The following ADGRL3 variants were observed in gnomAD, a reference collection of about 807,000 sequenced individuals.
ADGRL3 encodes the protein calcium-independent alpha-latrotoxin receptor 3.
Under a neutral mutation model 153.5 loss-of-function variants are expected in ADGRL3, and 62 were observed. That is an observed-to-expected ratio of 0.40 (90% CI 0.33 to 0.50). ADGRL3 has a LOEUF of 0.50. Ranked by LOEUF, ADGRL3 falls within the 20% of genes least tolerant of loss-of-function variation. The pLI is 0.47. For synonymous variants in ADGRL3, 710 were observed against 672.5 expected, an observed-to-expected ratio of 1.06 and a Z score of -0.86; for missense variants, 1,641 against 1,859.4, an observed-to-expected ratio of 0.88 and a Z score of 2.16.
At chr4:61,805,585 A>T (rs79200246) in intron 8 of ADGRL3, among the ~76,000 whole-genome samples, 16,018 of 152,150 alleles carry the variant, frequency 0.11, 911 homozygotes, top group Middle Eastern at 0.15. Flanking sequence ...TCCTAAACAC[A>T]TAATTTCAAT....
chr4:61,511,079 A>G lies in ADGRL3; in HGVS notation c.56-6236A>G, dbSNP rs2098461187. ...GGCTCTTAGCTTGAATGTTATTGGT[A>G]TATATAGGTAGCTCATGCCTGTAAT... is the stretch of plus-strand genomic sequence containing the variant. On this transcript the variant is annotated intron_variant, in intron 3 of 26. Transcript: ENST00000683033. Among the ~76,000 whole-genome samples, 5 of 152,062 alleles carry G rather than the reference A, an allele frequency of 3.3e-5. No homozygotes were observed. In the South Asian group the frequency reaches 8.3e-4, roughly 25 times the overall value.
chr4:61,393,279 T>A (rs1023494541), intron 2 of ADGRL3, among the ~76,000 whole-genome samples: 1 of 152,114 alleles, frequency 6.6e-6, no homozygotes, highest in Non-Finnish European at 1.5e-5. Context: ...AAGTCAATGA[T>A]ATGCACATTT....
At chr4:61,226,658 G>A (rs1473129349) in intron 1 of ADGRL3, among the ~76,000 whole-genome samples, 1 of 152,150 alleles carries the variant, frequency 6.6e-6, no homozygotes. Context: ...TATTGTATGG[G>A]ATGATGGAGG....
chr4:61,987,915 C>G (rs1187459275), intron 19 of ADGRL3, among the ~76,000 whole-genome samples: 1 of 151,748 alleles, frequency 6.6e-6, no homozygotes, highest in African/African-American at 2.4e-5. Context: ...GGTTTTATTT[C>G]TGAAATCTTT....
At chr4:61,519,285 T>A (rs1339151812) in intron 4 of ADGRL3, among the ~76,000 whole-genome samples, 2 of 152,198 alleles carry the variant, frequency 1.3e-5, no homozygotes, top group South Asian at 2.1e-4. Context: ...TTGGCATGTA[T>A]GTGGCAAGTT....
rs542189990 is a variant in ADGRL3 at position 61,598,480 on chromosome 4, A to G, written c.473+11040A>G. 7.2e-4 allele frequency among the ~76,000 whole-genome samples: 110 copies of G among 152,334 alleles called. 1 individual carries two copies. Among genetic ancestry groups the G allele is most frequent in the East Asian group, 6.6e-3 (34 of 5,182 alleles). ...CAACAAACAACAAAAAGAAGCTACA[A>G]CATAAATCTCATCCCCTACATTCCT... On this transcript the variant is annotated intron_variant, in intron 5 of 26. Coordinates refer to ENST00000683033, the MANE Select transcript of ADGRL3 (RefSeq NM_001387552.1).
chr4:61,869,770 C>G (rs1245953105), intron 9 of ADGRL3, among the ~76,000 whole-genome samples: 1 of 150,396 alleles, frequency 6.6e-6, no homozygotes, highest in African/African-American at 2.4e-5. Flanking sequence ...GAAACCCCGT[C>G]TCTACTAAAA....
At chr4:61,484,547 G>A (rs1171296531) in intron 2 of ADGRL3, among the ~76,000 whole-genome samples, 1 of 152,082 alleles carries the variant, frequency 6.6e-6, no homozygotes, top group Non-Finnish European at 1.5e-5. Context: ...GTCAACTTGT[G>A]TTCCCTTACT....
rs377101879 is a variant in ADGRL3 at position 61,611,304 on chromosome 4, C to A, written c.473+23864C>A. Among the ~76,000 whole-genome samples, 29 of 152,192 alleles carry A rather than the reference C, an allele frequency of 1.9e-4. 1 individual carries two copies. The highest frequency in any genetic ancestry group is 7.0e-4 in the African/African-American group (29 of 41,528). On this transcript the variant is annotated intron_variant, in intron 5 of 26. Coordinates refer to ENST00000683033, the MANE Select transcript of ADGRL3 (RefSeq NM_001387552.1). ...GATCACCATTGCTTCCAGTCACAAG[C>A]CACTGGCAAGAACTAGTCACATGGC... is the stretch of plus-strand genomic sequence containing the variant.
intron 4 of ADGRL3, among the ~76,000 whole-genome samples, chr4:61,522,702 T>C (rs1250646532): frequency 6.6e-6 from 1 of 152,076 alleles, no homozygotes; most frequent in African/African-American, 2.4e-5. Flanking sequence ...CAAAGGTAAA[T>C]GTAGGCTGCT....
chr4:61,577,379 A>T (rs1002612072), intron 4 of ADGRL3, among the ~76,000 whole-genome samples: 1 of 152,018 alleles, frequency 6.6e-6, no homozygotes, highest in Admixed American at 6.6e-5. Flanking sequence ...TTCATTCAAA[A>T]CTTGTTTTAT....
intron 4 of ADGRL3, among the ~76,000 whole-genome samples, chr4:61,572,264 G>C (rs1288777727): frequency 6.6e-6 from 1 of 152,076 alleles, no homozygotes; most frequent in Non-Finnish European, 1.5e-5. Context: ...TGGGTTTGTA[G>C]TTCCTCTATG....
At chr4:61,370,581 T>A (rs948647759) in intron 1 of ADGRL3, among the ~76,000 whole-genome samples, 54 of 152,318 alleles carry the variant, frequency 3.5e-4, no homozygotes, top group African/African-American at 1.3e-3. Flanking sequence ...TTGATTGCAC[T>A]GTGGTCTGAG....
intron 5 of ADGRL3, among the ~76,000 whole-genome samples, chr4:61,624,745 T>A (rs1487803519): frequency 6.6e-6 from 1 of 152,090 alleles, no homozygotes; most frequent in Non-Finnish European, 1.5e-5. Flanking sequence ...TACCTATGCT[T>A]TGAATCTAAT....
intron 9 of ADGRL3, among the ~76,000 whole-genome samples, chr4:61,863,464 C>T (rs1017044000): frequency 6.6e-6 from 1 of 151,816 alleles, no homozygotes; most frequent in Non-Finnish European, 1.5e-5. Context: ...GTCTCGATCT[C>T]CTGACCTCGT....
intron 1 of ADGRL3, among the ~76,000 whole-genome samples, chr4:61,336,073 AATACT>A (rs2095668560): frequency 6.6e-6 from 1 of 152,200 alleles, no homozygotes; most frequent in Non-Finnish European, 1.5e-5. Context: ...ATAGAGAACA[AATACT>A]ATATTAGGTA....
At chr4:61,991,234 G>A (rs1581775569) in intron 19 of ADGRL3, among the ~76,000 whole-genome samples, 1 of 151,908 alleles carries the variant, frequency 6.6e-6, no homozygotes, top group East Asian at 1.9e-4. Context: ...ATTTACTAGA[G>A]TAGCGATTAC....
chr4:61,468,469 C>T (rs1438746193), intron 2 of ADGRL3, among the ~76,000 whole-genome samples: 1 of 152,090 alleles, frequency 6.6e-6, no homozygotes, highest in Non-Finnish European at 1.5e-5. Flanking sequence ...AAGTCTTTTT[C>T]TGAGTGTCCT....
At chr4:62,016,152 G>A (rs546075449) in intron 21 of ADGRL3, among the ~76,000 whole-genome samples, 20 of 151,886 alleles carry the variant, frequency 1.3e-4, no homozygotes, top group Admixed American at 7.2e-4. Flanking sequence ...AGGTTCAAGC[G>A]ATTCTCCTGC....
Sources: gnomAD v4.1 joint callset for allele counts (sites outside exome capture counted in the v4.1 genomes callset) on GRCh38, gnomAD v4.1.1 for gene constraint, MANE v1.5 for transcripts, NCBI Gene and HGNC (gene_info 2026-07-23, HGNC 2026-07-21) for gene names.